DEPTOR: variants seen among roughly 807,000 people sequenced by gnomAD.
The protein encoded by DEPTOR is DEP domain-containing mTOR-interacting protein.
In DEPTOR, 41 loss-of-function variants were observed where a neutral mutation model predicts 41.6. That is an observed-to-expected ratio of 0.98 (90% CI 0.77 to 1.28). DEPTOR has a LOEUF of 1.28. Ranked by LOEUF, DEPTOR falls within the 50% of genes most tolerant of loss-of-function variation. The pLI is 0.00. For missense variants in DEPTOR, 514 were observed against 527.9 expected (o/e 0.97, Z 0.26); for synonymous variants, 195 against 192.3 (o/e 1.01, Z -0.12).
intron 8 of DEPTOR, among the ~76,000 whole-genome samples, chr8:120,010,091 A>G (rs1812506231): frequency 6.6e-6 from 1 of 152,150 alleles, no homozygotes; most frequent in Non-Finnish European, 1.5e-5. Context: ...GGAGATCTAG[A>G]TCTCGGTCCT....
chr8:120,030,943 G>A (rs540149464), intron 8 of DEPTOR, among the ~76,000 whole-genome samples: 8 of 152,128 alleles, frequency 5.3e-5, no homozygotes, highest in East Asian at 1.9e-4. Flanking sequence ...GGGGGATACC[G>A]TGCCTATGTG....
In DEPTOR at chr8:119,923,886, TTTCTTTC is replaced by T. The variant is rs1374202646; in HGVS notation, c.123-4511_123-4505del. Reference sequence around the variant, plus strand: ...CCTCTGTTTTTCCTTTCTTTTCTTTTTTCTTTCTTTTTTTTTTTTGGTATTATTTTTG... The same window carrying T: ...CCTCTGTTTTTCCTTTCTTTTCTTTTTTTTTTTTTTTTGGTATTATTTTTG... On this transcript the variant is annotated intron_variant, in intron 1 of 8. Coordinates refer to ENST00000286234, the MANE Select transcript of DEPTOR (RefSeq NM_022783.4). Among the ~76,000 whole-genome samples the T allele has an allele frequency of 5.1e-3, 428 of 83,110 alleles. 3 individuals carry two copies. The highest frequency in any genetic ancestry group is 7.8e-3 in the South Asian group (19 of 2,426). 54.5% of individuals were successfully genotyped at this position (83,110 alleles called of 152,430 possible).
intron 8 of DEPTOR, among the ~76,000 whole-genome samples, chr8:120,039,728 T>C (rs1813031586): frequency 6.6e-6 from 1 of 152,236 alleles, no homozygotes; most frequent in Non-Finnish European, 1.5e-5. Flanking sequence ...ATAATGGTTC[T>C]AAACTTAGTC....
At chr8:119,950,475 G>A (rs932134323) in intron 3 of DEPTOR, among the ~76,000 whole-genome samples, 1 of 152,038 alleles carries the variant, frequency 6.6e-6, no homozygotes, top group Non-Finnish European at 1.5e-5. Flanking sequence ...GACTGCAGTG[G>A]TGCGATCTCA....
chr8:119,931,267 T>G (rs55892034), intron 3 of DEPTOR, among the ~76,000 whole-genome samples: 75,828 of 151,758 alleles, frequency 0.5, 20,588 homozygotes, highest in African/African-American at 0.7. Context: ...TGTACAGTGG[T>G]TGGGGGTAAG....
At chr8:120,013,673 C>T (rs1812565618) in intron 8 of DEPTOR, among the ~76,000 whole-genome samples, 1 of 152,136 alleles carries the variant, frequency 6.6e-6, no homozygotes, top group African/African-American at 2.4e-5. Flanking sequence ...CCAGAGCTGA[C>T]CTAGGATAGT....
chr8:119,944,560 G>A (rs1318111346), intron 3 of DEPTOR, among the ~76,000 whole-genome samples: 1 of 151,922 alleles, frequency 6.6e-6, no homozygotes, highest in Non-Finnish European at 1.5e-5. Flanking sequence ...GTACCTTGAG[G>A]CCTCACACAA....
chr8:119,964,254 C>G (rs781518111), intron 3 of DEPTOR, among the ~76,000 whole-genome samples: 2 of 152,070 alleles, frequency 1.3e-5, no homozygotes, highest in African/African-American at 4.8e-5. Context: ...CGGTGGCTCA[C>G]GCTGGTAATC....
At chr8:119,957,645 A>G (rs1586632352) in intron 3 of DEPTOR, among the ~76,000 whole-genome samples, 1 of 149,190 alleles carries the variant, frequency 6.7e-6, no homozygotes, top group South Asian at 2.1e-4. Context: ...CTGGAGTGCA[A>G]TGGTGCAATC....
intron 8 of DEPTOR, among the ~76,000 whole-genome samples, chr8:120,023,334 G>A (rs1284226371): frequency 2.6e-5 from 4 of 151,938 alleles, no homozygotes. Context: ...TCTGCTTCCC[G>A]GGTTCAAGTG....
chr8:119,991,045 T>C (rs1812154415), intron 4 of DEPTOR, among the ~76,000 whole-genome samples: 1 of 19,310 alleles, frequency 5.2e-5, no homozygotes, highest in Non-Finnish European at 1.1e-4. Flanking sequence ...TTTCTTTCTT[T>C]CTTTCTTTCT....
intron 1 of DEPTOR, among the ~76,000 whole-genome samples, chr8:119,925,992 G>A (rs1051005021): frequency 6.6e-6 from 1 of 152,164 alleles, no homozygotes; most frequent in African/African-American, 2.4e-5. Context: ...AGAACATGTG[G>A]TATTGGTTTT....
chr8:119,884,111 G>T (rs578199895), intron 1 of DEPTOR, among the ~76,000 whole-genome samples: 11 of 152,222 alleles, frequency 7.2e-5, no homozygotes, highest in Non-Finnish European at 1.3e-4. Flanking sequence ...AGCCTGGAGT[G>T]CAGTGGCATG....
chr8:119,906,687 C>T (rs1827668254), intron 1 of DEPTOR, among the ~76,000 whole-genome samples: 1 of 152,070 alleles, frequency 6.6e-6, no homozygotes, highest in Non-Finnish European at 1.5e-5. Context: ...TTCCCTATTG[C>T]TGGACCATAA....
intron 4 of DEPTOR, among the ~76,000 whole-genome samples, chr8:119,981,652 C>CAAA (rs33975978): frequency 0.055 from 7,562 of 136,740 alleles, 227 homozygotes; most frequent in South Asian, 0.076. Flanking sequence ...GACCCTATCT[C>CAAA]AAAAAAAAAA....
At chr8:119,915,071 A>G (rs986480038) in intron 1 of DEPTOR, among the ~76,000 whole-genome samples, 12 of 151,972 alleles carry the variant, frequency 7.9e-5, no homozygotes, top group Admixed American at 5.2e-4. Context: ...GGTTTAAGCA[A>G]TTTTCCTGCC....
intron 8 of DEPTOR, among the ~76,000 whole-genome samples, chr8:120,031,000 T>C (rs1159198097): frequency 3.9e-5 from 6 of 152,162 alleles, no homozygotes; most frequent in African/African-American, 7.2e-5. Flanking sequence ...TCAATTTTGC[T>C]ATGAACCTAA....
At chr8:119,894,384 T>TTTA (rs1586602497) in intron 1 of DEPTOR, among the ~76,000 whole-genome samples, 1 of 46,414 alleles carries the variant, frequency 2.2e-5, no homozygotes, top group East Asian at 4.4e-3. Context: ...AATAGTTCTT[T>TTTA]TTTATTTATT....
At chr8:120,040,748 A>T (rs1277021001) in intron 8 of DEPTOR, among the ~76,000 whole-genome samples, 1 of 152,234 alleles carries the variant, frequency 6.6e-6, no homozygotes, top group South Asian at 2.1e-4. Context: ...TAACGTAAGT[A>T]TTCTAGAGAG....
Sources: allele counts gnomAD v4.1 joint callset (sites outside exome capture counted in the v4.1 genomes callset), GRCh38; gene constraint gnomAD v4.1.1; transcripts MANE v1.5; gene names NCBI Gene and HGNC (gene_info 2026-07-23, HGNC 2026-07-21).